RET: variants seen among roughly 807,000 people sequenced by gnomAD.
RET encodes the protein proto-oncogene tyrosine-protein kinase receptor Ret.
A neutral mutation model predicts 118.3 loss-of-function variants in RET; 19 were observed. The ratio of observed to expected loss-of-function variants is 0.16; its 90% CI spans 0.11 to 0.24. The LOEUF is 0.24. Among genes scored for constraint, RET ranks in the 10% least tolerant of loss-of-function variants. RET has a pLI of 1.00. For synonymous variants in RET, 597 were observed against 644.1 expected, an observed-to-expected ratio of 0.93 and a Z score of 1.11; for missense variants, 1,219 against 1,502.1, an observed-to-expected ratio of 0.81 and a Z score of 3.12.
At chr10:43,111,507 G>A (rs751847605) in intron 7 of RET, 42 bp downstream of exon 7, 3 of 1,589,192 alleles carry the variant, frequency 1.9e-6, no homozygotes, top group African/African-American at 1.3e-5. Context: ...GGTCCTGGGG[G>A]CTTCTGGAGC....
At chr10:43,117,904 C>G (rs1450542584) in intron 12 of RET, among the ~76,000 whole-genome samples, 1 of 152,154 alleles carries the variant, frequency 6.6e-6, no homozygotes, top group Non-Finnish European at 1.5e-5. Context: ...TGCCTGGGCT[C>G]CAGGCTGGCC....
chr10:43,093,700 A>C (rs1377257625), intron 1 of RET, among the ~76,000 whole-genome samples: 1 of 152,132 alleles, frequency 6.6e-6, no homozygotes, highest in East Asian at 1.9e-4. Flanking sequence ...AGCAGCTGGG[A>C]GAAAGTGGGT....
chr10:43,086,150 C>G (rs1837284222), intron 1 of RET, among the ~76,000 whole-genome samples: 1 of 152,064 alleles, frequency 6.6e-6, no homozygotes, highest in African/African-American at 2.4e-5. Flanking sequence ...TTCCTAGCCT[C>G]TGTGTGGCCT....
intron 2 of RET, among the ~76,000 whole-genome samples, chr10:43,101,539 G>A (rs1321524593): frequency 6.6e-6 from 1 of 152,242 alleles, no homozygotes; most frequent in African/African-American, 2.4e-5. Flanking sequence ...GAGGTTGGTC[G>A]TGGTTCTACG....
At chr10:43,125,466 G>A (rs116599054) in intron 18 of RET, among the ~76,000 whole-genome samples, 1,700 of 152,228 alleles carry the variant, frequency 0.011, 42 homozygotes, top group African/African-American at 0.039. Context: ...GAATGGGCTG[G>A]GTCTTCTGAA....
chr10:43,112,250 G>A (rs561975352), intron 8 of RET, 26 bp downstream of exon 8: 2 of 1,550,944 alleles, frequency 1.3e-6, no homozygotes, highest in African/African-American at 1.4e-5. Context: ...GCCCAAGGGA[G>A]GCCTGCAGGG....
chr10:43,102,274 C>G (rs1837656043), intron 2 of RET, 68 bp from the exon 3 acceptor site: 2 of 1,594,766 alleles, frequency 1.3e-6, no homozygotes, highest in African/African-American at 1.3e-5. Context: ...GAGCTCCTGC[C>G]TCCTCCCCAT....
chr10:43,083,948 C>T lies in RET; in HGVS notation c.73+6617C>T, dbSNP rs765514712. 2.6e-5 allele frequency among the ~76,000 whole-genome samples: 4 copies of T among 152,322 alleles called. No homozygotes were observed. In the East Asian group the frequency reaches 7.7e-4, roughly 29 times the overall value. ...CCATTAAACAGCTGCTTCCTGTCCC[C>T]GGGCAACCCCCAGCCTGCGTTCTGT... On this transcript the variant is annotated intron_variant, in intron 1 of 19. Transcript: ENST00000355710.
chr10:43,111,489 A>AGGGT, intron 7 of RET, 24 bp downstream of exon 7: 1 of 884,638 alleles, frequency 1.1e-6, no homozygotes, highest in Non-Finnish European at 1.8e-6. Flanking sequence ...CCAGGGAGGG[A>AGGGT]GGGTCGGGGT....
In RET at chr10:43,112,971, G is replaced by A. The variant is rs1470633490; in HGVS notation, c.1759+8G>A. 1 of 1,610,328 alleles carries A rather than the reference G, an allele frequency of 6.2e-7. No homozygotes were observed. The highest frequency in any genetic ancestry group is 8.5e-7 in the Non-Finnish European group (1 of 1,176,516). ...GCCCTCAGGACTGCCTCCGTAAGCA[G>A]GGTTTAATCAGGGCATGGGAACAGG... On this transcript the variant is annotated splice_region_variant and intron_variant, in intron 9 of 19. Transcript: ENST00000355710.
rs368382176 is a variant in RET, at chr10:43,112,802, C to T, written c.1649-51C>T. On this transcript the variant is annotated intron_variant, in intron 8 of 19. Transcript: ENST00000355710. ...GGATCTGCCTAGGAGGTGGTGGGGGCGTGTGGCGGGGCTCCCACATGGGTG... is the reference window on the plus strand; with the variant it reads ...GGATCTGCCTAGGAGGTGGTGGGGGTGTGTGGCGGGGCTCCCACATGGGTG... The T allele has an allele frequency of 4.5e-5, 64 of 1,433,036 alleles. No individual in the cohort carries two copies. In the African/African-American group the frequency reaches 5.6e-4, roughly 13 times the overall value. The allele number at this position is 1,433,036 out of a possible 1,614,324, so 88.8% of individuals were successfully genotyped here. A position where few individuals can be genotyped will look rare whatever the true frequency, so the allele number is the denominator to read the frequency against.
intron 3 of RET, among the ~76,000 whole-genome samples, chr10:43,103,279 C>G (rs1157117660): frequency 1.3e-5 from 2 of 152,100 alleles, no homozygotes; most frequent in Non-Finnish European, 2.9e-5. Flanking sequence ...AAGGATTAGT[C>G]AGACTACTGT....
intron 17 of RET, 70 bp from the exon 18 acceptor site, chr10:43,124,813 C>A: frequency 6.8e-7 from 1 of 1,461,490 alleles, no homozygotes; most frequent in Non-Finnish European, 9.6e-7. Context: ...GGTGCGATGG[C>A]TGTGGTGGGC....
chr10:43,084,886 C>T (rs1837257536), intron 1 of RET, among the ~76,000 whole-genome samples: 2 of 152,196 alleles, frequency 1.3e-5, no homozygotes, highest in Admixed American at 1.3e-4. Flanking sequence ...CAGACCCCCA[C>T]CCCACTGACA....
intron 2 of RET, among the ~76,000 whole-genome samples, chr10:43,101,856 G>A (rs1157444085): frequency 2.0e-5 from 3 of 152,230 alleles, no homozygotes; most frequent in African/African-American, 7.2e-5. Flanking sequence ...AGGAGCAGCC[G>A]CCCACCTAGG....
In RET at chr10:43,114,662, T is replaced by C. The variant is rs750681372; in HGVS notation, c.2062T>C (p.Ser688Pro). 3.7e-6 allele frequency: 6 copies of C among 1,612,798 alleles called. No individual in the cohort carries two copies. The highest frequency in any genetic ancestry group is 1.3e-5 in the African/African-American group (1 of 74,948). Residue 688 changes from serine (S) to proline (P), a missense_variant, in exon 11 of 20, where the codon TCC becomes CCC. By Grantham distance (74) the Ser-to-Pro change is moderately conservative. Coordinates refer to ENST00000355710, the MANE Select transcript of RET (RefSeq NM_020975.6). This position sits in a 1 kb window ranked among gnomAD's most constrained non-coding sequence, Gnocchi z 4.6. Reference sequence around the variant, plus strand: ...CGCCCAGGCCTTCCCGGTCAGCTACTCCTCTTCCGGTGCCCGCCGGCCCTC... The same window carrying C: ...CGCCCAGGCCTTCCCGGTCAGCTACCCCTCTTCCGGTGCCCGCCGGCCCTC... Reference protein sequence around the residue: ...RPAQAFPVSYSSSGARRPSLD... With the variant: ...RPAQAFPVSYPSSGARRPSLD...
chr10:43,125,064 C>A, intron 18 of RET, 82 bp downstream of exon 18: 1 of 1,292,628 alleles, frequency 7.7e-7, no homozygotes, highest in Non-Finnish European at 1.1e-6. Context: ...AGTTTTAGCC[C>A]TCAGAGTTCC....
chr10:43,105,683 C>T (rs1483525306), intron 4 of RET, among the ~76,000 whole-genome samples: 1 of 152,180 alleles, frequency 6.6e-6, no homozygotes, highest in Non-Finnish European at 1.5e-5. Flanking sequence ...TTCCTGCAGC[C>T]GGCCCACCCA....
chr10:43,105,027 G>A lies in RET; in HGVS notation c.701G>A (p.Arg234Gln), dbSNP rs756216318. Residue 234 changes from arginine (R) to glutamine (Q), a missense_variant, in exon 4 of 20, where the codon CGG (arginine) becomes CAG (glutamine). Arg to Gln is a conservative substitution (Grantham distance 43). Coordinates refer to ENST00000355710, the MANE Select transcript of RET (RefSeq NM_020975.6). ...STRWALDREQ[R>Q]EKYELVAVCT... ...CGCTGGGCCCTGGACCGCGAGCAGC[G>A]GGAGAAGTACGAGCTGGTGGCCGTG... 5.6e-6 allele frequency: 9 copies of A among 1,603,330 alleles called. No individual in the cohort carries two copies. In the Admixed American group the frequency reaches 1.5e-4, roughly 27 times the overall value.
Sources: gnomAD v4.1 joint callset for allele counts (sites outside exome capture counted in the v4.1 genomes callset) on GRCh38, gnomAD v4.1.1 for gene constraint, Gnocchi (gnomAD v3.1) non-coding constraint, MANE v1.5 for transcripts, NCBI Gene and HGNC (gene_info 2026-07-23, HGNC 2026-07-21) for gene names.